ADGRL1: variants seen among roughly 807,000 people sequenced by gnomAD.
ADGRL1 encodes CIRL-1.
Under a neutral mutation model 148.9 loss-of-function variants are expected in ADGRL1, and 31 were observed. That is an observed-to-expected ratio of 0.21 (90% confidence interval 0.16 to 0.28). The LOEUF (loss-of-function observed/expected upper bound fraction) is 0.28, where lower values mean the gene tolerates loss of function less well. Ranked by LOEUF, ADGRL1 falls within the 10% of genes least tolerant of loss-of-function variation. ADGRL1 has a pLI of 1.00. For missense variants in ADGRL1, 1,521 were observed against 2,058.8 expected, an observed-to-expected ratio of 0.74 and a Z score of 5.05; for synonymous variants, 937 against 900.3, an observed-to-expected ratio of 1.04 and a Z score of -0.73.
intron 3 of ADGRL1, among the ~76,000 whole-genome samples, chr19:14,177,262 G>C (rs116592759): frequency 6.6e-6 from 1 of 152,038 alleles, no homozygotes; most frequent in African/African-American, 2.4e-5. Context: ...GCTAATCTTG[G>C]GATGGAAGTT....
rs372747712 is a variant in ADGRL1 at position 14,157,216 on chromosome 19, C to T, written c.2745+35G>A. The T allele has an allele frequency of 2.7e-5, 44 of 1,613,070 alleles. No homozygotes were observed. The highest frequency in any genetic ancestry group is 2.0e-4 in the East Asian group (9 of 44,884). ...CCCCCTTCTTCTCCCGGCCCCCAGG[C>T]GCTGGCCGTCACCTGCCCTAGAGTC... On this transcript the variant is annotated intron_variant, in intron 14 of 22. Transcript: ENST00000361434. The surrounding 1 kb of genome is among the most constrained non-coding windows in gnomAD (Gnocchi z 7.5).
rs759595808 is a variant in ADGRL1, at chr19:14,159,614, GC to G, written c.1840-31del. The G allele has an allele frequency of 1.3e-6, 2 of 1,591,950 alleles. No individual in the cohort carries two copies. The highest frequency in any genetic ancestry group is 2.7e-5 in the African/African-American group (2 of 74,516). On this transcript the variant is annotated intron_variant, in intron 9 of 22. Transcript: ENST00000361434. This position sits in a 1 kb window ranked among gnomAD's most constrained non-coding sequence, Gnocchi z 6.0. ...ACAGGCAGAGGGCATGGTGCTGTGA[GC>G]CCCCCAACACCCTCTAATTCCTGGG...
chr19:14,170,725 C>T lies in ADGRL1; in HGVS notation c.351G>A (p.Gly117=), dbSNP rs368247539. ...ACTGCACCTCCAGGTACTTGTAGGT[C>T]CCAGGACAGGGGTCAGGAAAGGCAT... ...GSDAFPDPCP[G]TYKYLEVQYD... is the part of the protein sequence containing the mutation. The change falls in exon 4 of 23, where the codon GGG becomes GGA. Residue 117 remains glycine (G), a synonymous_variant. Transcript: ENST00000361434. 1.4e-5 allele frequency: 23 copies of T among 1,612,982 alleles called. No homozygotes were observed. The African/African-American group carries it at 2.4e-4, about 17-fold the overall frequency.
chr19:14,197,677 G>A (rs570823735), intron 1 of ADGRL1, among the ~76,000 whole-genome samples: 8 of 152,242 alleles, frequency 5.3e-5, no homozygotes, highest in Admixed American at 1.3e-4. Context: ...AGCACACAGG[G>A]TCTCTGTGTT....
At chr19:14,204,936 A>G (rs1180438163) in intron 1 of ADGRL1, among the ~76,000 whole-genome samples, 1 of 152,048 alleles carries the variant, frequency 6.6e-6, no homozygotes, top group Non-Finnish European at 1.5e-5. Flanking sequence ...CGCAGCTGGC[A>G]TGGCTGGGGG....
At chr19:14,156,814 C>T in intron 15 of ADGRL1, 90 bp from the exon 16 acceptor site, 1 of 1,530,284 alleles carries the variant, frequency 6.5e-7, no homozygotes, top group Non-Finnish European at 8.9e-7. Context: ...AGGCTGCAGC[C>T]TCTGGGATCA....
At chr19:14,186,307 C>T (rs1180372237) in intron 1 of ADGRL1, among the ~76,000 whole-genome samples, 1 of 152,212 alleles carries the variant, frequency 6.6e-6, no homozygotes, top group Non-Finnish European at 1.5e-5. Context: ...ATCCTCCTGC[C>T]TCAACATCCC....
chr19:14,181,466 C>T (rs1481288532), intron 2 of ADGRL1, among the ~76,000 whole-genome samples: 1 of 152,124 alleles, frequency 6.6e-6, no homozygotes, highest in Non-Finnish European at 1.5e-5. Context: ...CGCCTGTAAT[C>T]CCAGCACTTT....
At chr19:14,192,815 T>G (rs1443111129) in intron 1 of ADGRL1, among the ~76,000 whole-genome samples, 1 of 152,102 alleles carries the variant, frequency 6.6e-6, no homozygotes. Flanking sequence ...CCTCCCAAAG[T>G]GCTGAGATTA....
Position 14,161,865 on chromosome 19 carries a change from A to C in ADGRL1, c.1196-239T>G, listed in dbSNP as rs973467959. ...GTGGTAAAAATCCACGATGTGTACC[A>C]TAAGGTCTGAGAGAACGGTCAGGGG... On this transcript the variant is annotated intron_variant, in intron 5 of 22. Coordinates refer to ENST00000361434, the MANE Select transcript of ADGRL1 (RefSeq NM_014921.5). The surrounding 1 kb of genome is among the most constrained non-coding windows in gnomAD (Gnocchi z 4.4). Among the ~76,000 whole-genome samples the C allele has an allele frequency of 1.3e-5, 2 of 152,152 alleles. No individual in the cohort carries two copies. The highest frequency in any genetic ancestry group is 2.9e-5 in the Non-Finnish European group (2 of 68,012).
In ADGRL1 at chr19:14,158,151, AAAG is replaced by A. The variant is rs1189262261; in HGVS notation, c.2365-102_2365-100del. On this transcript the variant is annotated intron_variant, in intron 12 of 22. Coordinates refer to ENST00000361434, the MANE Select transcript of ADGRL1 (RefSeq NM_014921.5). ...GGCAACAGGGATGGTACCAAGTATC[AAAG>A]AAGTGCCTGGGGTCTGGGGCTCCAG... The A allele has an allele frequency of 7.5e-5, 102 of 1,364,822 alleles. No individual in the cohort carries two copies. In the Admixed American group the frequency reaches 1.9e-3, roughly 25 times the overall value. The allele number at this position is 1,364,822 out of a possible 1,614,324, so 84.5% of individuals were successfully genotyped here. A position where few individuals can be genotyped will look rare whatever the true frequency, so the allele number is the denominator to read the frequency against.
Position 14,161,504 on chromosome 19 carries a change from C to T in ADGRL1, c.1318G>A (p.Gly440Ser). ...RRAPLTTHPV[G>S]AINQLGPDLP... ...TCAGGTCCCAGCTGGTTGATGGCACCCACTGGGTGCGTGGTGAGGGGTGCC... is the reference window on the plus strand; with the variant it reads ...TCAGGTCCCAGCTGGTTGATGGCACTCACTGGGTGCGTGGTGAGGGGTGCC... Residue 440 changes from glycine to serine, a missense_variant, in exon 6 of 23, where the codon GGT (glycine) becomes AGT (serine). Coordinates refer to ENST00000361434, the MANE Select transcript of ADGRL1 (RefSeq NM_014921.5). The surrounding 1 kb of genome is among the most constrained non-coding windows in gnomAD (Gnocchi z 4.4). 2 of 1,439,742 alleles carry T rather than the reference C, an allele frequency of 1.4e-6. No homozygotes were observed. The highest frequency in any genetic ancestry group is 1.8e-6 in the Non-Finnish European group (2 of 1,094,710). The allele number at this position is 1,439,742 out of a possible 1,614,324, so 89.2% of individuals were successfully genotyped here. A position where few individuals can be genotyped will look rare whatever the true frequency, so the allele number is the denominator to read the frequency against.
intron 2 of ADGRL1, among the ~76,000 whole-genome samples, chr19:14,178,673 T>C (rs902057124): frequency 6.6e-6 from 1 of 152,108 alleles, no homozygotes; most frequent in African/African-American, 2.4e-5. Context: ...CACGCCACCA[T>C]GTCCGGCTAA....
In ADGRL1 at chr19:14,199,246, G is replaced by A. The variant is rs115891383; in HGVS notation, c.-96+6739C>T. Reference sequence around the variant, plus strand: ...TGGGGAACGAGAGCCTCCCAGGGTGGCTGTGGGGGTTAGAAATAATTTTCG... The same window carrying A: ...TGGGGAACGAGAGCCTCCCAGGGTGACTGTGGGGGTTAGAAATAATTTTCG... On this transcript the variant is annotated intron_variant, in intron 1 of 22. Transcript: ENST00000361434. Among the ~76,000 whole-genome samples, 475 of 152,320 alleles carry A rather than the reference G, an allele frequency of 3.1e-3. 2 individuals are homozygous for A. The highest frequency in any genetic ancestry group is 0.011 in the African/African-American group (461 of 41,564).
chr19:14,202,179 G>A (rs1972657257), intron 1 of ADGRL1, among the ~76,000 whole-genome samples: 2 of 152,020 alleles, frequency 1.3e-5, no homozygotes, highest in Admixed American at 6.6e-5. Context: ...CAGAGTTTGG[G>A]GCTACCCTCG....
intron 15 of ADGRL1, 34 bp downstream of exon 15, chr19:14,156,891 T>TA: frequency 1.3e-6 from 2 of 1,597,364 alleles, no homozygotes; most frequent in East Asian, 4.5e-5. Flanking sequence ...GGGAACCAGG[T>TA]GGGAGGGTGC....
chr19:14,196,480 C>T (rs1972272379), intron 1 of ADGRL1, among the ~76,000 whole-genome samples: 1 of 152,150 alleles, frequency 6.6e-6, no homozygotes, highest in Non-Finnish European at 1.5e-5. Flanking sequence ...GTTAGCCAGG[C>T]ATAGTGGCAC....
rs1315788036 is a variant in ADGRL1 at position 14,155,685 on chromosome 19, C to T, written c.3126-158G>A. The T allele has an allele frequency of 1.5e-6, 1 of 660,152 alleles. No individual in the cohort carries two copies. Among genetic ancestry groups the T allele is most frequent in the Non-Finnish European group, 2.6e-6 (1 of 390,954 alleles). The allele number at this position is 660,152 out of a possible 1,614,324, so 40.9% of individuals were successfully genotyped here. The stretch of plus-strand genomic sequence containing the variant: ...GTGGGCCTTGGGGGCAGTGGCCTGC[C>T]CAGGACACCTCCACCGGAGCCTGGG... On this transcript the variant is annotated intron_variant, in intron 17 of 22. Coordinates refer to ENST00000361434, the MANE Select transcript of ADGRL1 (RefSeq NM_014921.5). This position sits in a 1 kb window ranked among gnomAD's most constrained non-coding sequence, Gnocchi z 5.0.
intron 1 of ADGRL1, among the ~76,000 whole-genome samples, chr19:14,192,036 G>A (rs573762191): frequency 2.6e-5 from 4 of 152,056 alleles, no homozygotes; most frequent in African/African-American, 7.2e-5. Flanking sequence ...CTGAGAGTAG[G>A]GGGCCCCACC....
Sources: allele counts gnomAD v4.1 joint callset (sites outside exome capture counted in the v4.1 genomes callset), GRCh38; gene constraint gnomAD v4.1.1; non-coding constraint Gnocchi (gnomAD v3.1); transcripts MANE v1.5; gene names NCBI Gene and HGNC (gene_info 2026-07-23, HGNC 2026-07-21).